Variants in PTPRM observed in about 807,000 individuals in gnomAD.
The protein encoded by PTPRM is receptor-type tyrosine-protein phosphatase mu.
Under a neutral mutation model 186.7 loss-of-function variants are expected in PTPRM, and 47 were observed. That is an observed-to-expected ratio of 0.25 (90% CI 0.20 to 0.32). The LOEUF is 0.32. Ranked by LOEUF, PTPRM falls within the 10% of genes least tolerant of loss-of-function variation. The pLI is 1.00. For synonymous variants in PTPRM, 668 were observed against 674.9 expected, an observed-to-expected ratio of 0.99 and a Z score of 0.16; for missense variants, 1,494 against 1,865.0, an observed-to-expected ratio of 0.80 and a Z score of 3.66.
intron 7 of PTPRM, among the ~76,000 whole-genome samples, chr18:7,970,837 A>T (rs2054477296): frequency 1.1e-5 from 1 of 92,280 alleles, no homozygotes; most frequent in African/African-American, 5.1e-5. Context: ...AGAACATTCC[A>T]TGCTCATGGG....
At chr18:7,982,074 ATTTAT>A (rs2082583067) in intron 7 of PTPRM, among the ~76,000 whole-genome samples, 1 of 152,124 alleles carries the variant, frequency 6.6e-6, no homozygotes, top group Non-Finnish European at 1.5e-5. Context: ...GTTACATTAA[ATTTAT>A]TTTTTTAAAT....
chr18:8,281,875 A>G (rs1052251265), intron 19 of PTPRM, among the ~76,000 whole-genome samples: 1 of 152,166 alleles, frequency 6.6e-6, no homozygotes, highest in Non-Finnish European at 1.5e-5. Context: ...TTATTTTTTC[A>G]GGACCCAAGG....
chr18:8,364,027 A>T (rs970281437), intron 23 of PTPRM, among the ~76,000 whole-genome samples: 1 of 152,152 alleles, frequency 6.6e-6, no homozygotes, highest in Non-Finnish European at 1.5e-5. Flanking sequence ...TGAAAGAGGG[A>T]TTTACTTATG....
At chr18:7,694,929 G>A (rs938787298) in intron 1 of PTPRM, among the ~76,000 whole-genome samples, 1 of 152,126 alleles carries the variant, frequency 6.6e-6, no homozygotes, top group Non-Finnish European at 1.5e-5. Context: ...GCTTACTGAC[G>A]ACTTACTACA....
At chr18:8,358,139 C>CCA (rs1555885286) in intron 23 of PTPRM, among the ~76,000 whole-genome samples, 18 of 150,836 alleles carry the variant, frequency 1.2e-4, no homozygotes, top group African/African-American at 3.9e-4. Flanking sequence ...ATTCCCCCCC[C>CCA]CACACACACA....
rs1427976759 is a variant in PTPRM at position 8,020,448 on chromosome 18, A to AG, written c.1133-49234dup. 1.2e-4 allele frequency among the ~76,000 whole-genome samples: 19 copies of AG among 152,276 alleles called. No individual in the cohort carries two copies. In the East Asian group the frequency reaches 3.7e-3, roughly 29 times the overall value. Reference sequence around the variant, plus strand: ...GTCCTGTGACTGTTTAAAATTTGAGAGGGGAAAAAAAGTCTAAGACTTCTG... The same window carrying AG: ...GTCCTGTGACTGTTTAAAATTTGAGAGGGGGAAAAAAAGTCTAAGACTTCTG... On this transcript the variant is annotated intron_variant, in intron 7 of 32. Coordinates refer to ENST00000580170, the MANE Select transcript of PTPRM (RefSeq NM_001105244.2).
chr18:7,911,982 A>G lies in PTPRM; in HGVS notation c.547+5399A>G, dbSNP rs1213593228. Among the ~76,000 whole-genome samples the G allele has an allele frequency of 2.0e-5, 3 of 149,688 alleles. No individual in the cohort carries two copies. The East Asian group carries it at 6.0e-4, about 30-fold the overall frequency. ...ATTCTCCTGCCTCAGCCTCCTGAGT[A>G]GCTGTGATTACAGGTGTCTGCCACC... On this transcript the variant is annotated intron_variant, in intron 4 of 32. Transcript: ENST00000580170.
chr18:8,355,622 G>C (rs909598131), intron 23 of PTPRM, among the ~76,000 whole-genome samples: 2 of 152,164 alleles, frequency 1.3e-5, no homozygotes, highest in South Asian at 4.1e-4. Context: ...TCCAAAGGCA[G>C]AACAATCAGC....
At chr18:7,573,814 C>T (rs1229516753) in intron 1 of PTPRM, among the ~76,000 whole-genome samples, 1 of 152,140 alleles carries the variant, frequency 6.6e-6, no homozygotes, top group African/African-American at 2.4e-5. Flanking sequence ...TGGTCTTGAA[C>T]TCCTGACCTC....
At chr18:7,984,602 T>TATATATATATATACACACAC (rs1214502563) in intron 7 of PTPRM, among the ~76,000 whole-genome samples, 1,979 of 87,010 alleles carry the variant, frequency 0.023, 46 homozygotes, top group Non-Finnish European at 0.032. Context: ...TATATATATA[T>TATATATATATATACACACAC]ACACACACAC....
intron 32 of PTPRM, among the ~76,000 whole-genome samples, chr18:8,394,999 T>C (rs1294027150): frequency 1.3e-5 from 2 of 152,218 alleles, no homozygotes; most frequent in Non-Finnish European, 2.9e-5. Flanking sequence ...CGCCTAATAT[T>C]TATCAAAGCT....
At chr18:7,880,632 G>A (rs530607412) in intron 2 of PTPRM, among the ~76,000 whole-genome samples, 17 of 152,336 alleles carry the variant, frequency 1.1e-4, no homozygotes, top group Non-Finnish European at 2.4e-4. Flanking sequence ...TTTTTAGGGC[G>A]ATGGTGGCAC....
At chr18:7,645,638 A>G (rs1170745927) in intron 1 of PTPRM, among the ~76,000 whole-genome samples, 1 of 152,182 alleles carries the variant, frequency 6.6e-6, no homozygotes, top group Non-Finnish European at 1.5e-5. Context: ...CCACTGTGGA[A>G]TGCTACTCAT....
Position 7,955,114 on chromosome 18 carries a change from C to G in PTPRM, c.839-7C>G, listed in dbSNP as rs202017391. The G allele has an allele frequency of 4.9e-5, 77 of 1,584,926 alleles. No individual in the cohort carries two copies. Among genetic ancestry groups the G allele is most frequent in the Middle Eastern group, 1.7e-4 (1 of 5,918 alleles). ...TCTGAAAGACAGCTTTCTGGTTTGT[C>G]TTTCAGAACCACCCGTTCCTATTGC... On this transcript the variant is annotated splice_polypyrimidine_tract_variant and splice_region_variant and intron_variant, in intron 6 of 32. Transcript: ENST00000580170.
At chr18:8,323,537 A>G (rs1419503786) in intron 22 of PTPRM, among the ~76,000 whole-genome samples, 1 of 152,202 alleles carries the variant, frequency 6.6e-6, no homozygotes, top group Non-Finnish European at 1.5e-5. Context: ...TGCACGCGTT[A>G]CTTTTTTGAG....
In PTPRM at chr18:8,033,938, A is replaced by G. The variant is rs150027573; in HGVS notation, c.1133-35748A>G. On this transcript the variant is annotated intron_variant, in intron 7 of 32. Transcript: ENST00000580170. ...GGAGATTCCATTCCTTGCTTCTTCT[A>G]GCTTCTGGTGGTTCTTGCCACGTGC... Among the ~76,000 whole-genome samples, 540 of 152,226 alleles carry G rather than the reference A, an allele frequency of 3.5e-3. 4 individuals carry two copies. The highest frequency in any genetic ancestry group is 0.012 in the African/African-American group (492 of 41,542).
At chr18:8,059,040 T>A (rs1276918574) in intron 7 of PTPRM, among the ~76,000 whole-genome samples, 14 of 137,274 alleles carry the variant, frequency 1.0e-4, no homozygotes, top group Non-Finnish European at 2.0e-4. Context: ...TAAATTACCT[T>A]GGGCAGTATG....
chr18:8,129,292 A>T (rs937263281), intron 13 of PTPRM, among the ~76,000 whole-genome samples: 3 of 152,212 alleles, frequency 2.0e-5, no homozygotes, highest in Non-Finnish European at 1.5e-5. Context: ...GAAAGGCTGA[A>T]TGTTTTTTAA....
chr18:7,945,353 A>G (rs1254003119), intron 5 of PTPRM, among the ~76,000 whole-genome samples: 2 of 151,570 alleles, frequency 1.3e-5, no homozygotes, highest in Non-Finnish European at 2.9e-5. Context: ...AGTCCCAGCT[A>G]TTTGGGAGGC....
Sources: gnomAD v4.1 joint callset for allele counts (sites outside exome capture counted in the v4.1 genomes callset) on GRCh38, gnomAD v4.1.1 for gene constraint, MANE v1.5 for transcripts, NCBI Gene and HGNC (gene_info 2026-07-23, HGNC 2026-07-21) for gene names.